Variants in NCKAP5 observed in about 807,000 individuals in gnomAD.
The protein encoded by NCKAP5 is NCK associated protein 5, also known as nck-associated protein 5.
A neutral mutation model predicts 167.0 loss-of-function variants in NCKAP5; 92 were observed. The ratio of observed to expected loss-of-function variants is 0.55; its 90% CI spans 0.47 to 0.66. NCKAP5 has a LOEUF of 0.66. Among genes scored for constraint, NCKAP5 ranks in the 30% least tolerant of loss-of-function variants. The pLI is 0.00. For missense variants in NCKAP5, 2,378 were observed against 2,315.0 expected, an observed-to-expected ratio of 1.03 and a Z score of -0.56; for synonymous variants, 891 against 877.4, an observed-to-expected ratio of 1.02 and a Z score of -0.27.
chr2:133,219,139 C>T (rs2086553502), intron 4 of NCKAP5, among the ~76,000 whole-genome samples: 1 of 152,182 alleles, frequency 6.6e-6, no homozygotes, highest in Admixed American at 6.5e-5. Context: ...TGACCTACCA[C>T]ATGAGTGGAG....
chr2:133,468,127 T>G (rs1692742542), intron 3 of NCKAP5, among the ~76,000 whole-genome samples: 2 of 135,854 alleles, frequency 1.5e-5, no homozygotes, highest in African/African-American at 2.9e-5. Flanking sequence ...GGATCTTTCC[T>G]GCTTTCTCTT....
chr2:133,331,432 C>T (rs1430166), intron 3 of NCKAP5, among the ~76,000 whole-genome samples: 37,751 of 152,084 alleles, frequency 0.25, 5,196 homozygotes, highest in African/African-American at 0.37. Context: ...CTTAATGGCA[C>T]CTGCAAAATG....
At chr2:133,598,511 T>C in the NCKAP5 span, among the ~76,000 whole-genome samples, 1 of 152,236 alleles carries the variant, frequency 6.6e-6, no homozygotes, top group African/African-American at 2.4e-5. Flanking sequence ...ACCTTAGCCC[T>C]GTGGCTTTTA....
intron 2 of NCKAP5, among the ~76,000 whole-genome samples, chr2:133,555,592 A>C (rs960808590): frequency 1.3e-5 from 2 of 152,242 alleles, no homozygotes; most frequent in Admixed American, 6.5e-5. Flanking sequence ...AGACCACAGT[A>C]ACTTCTCTTT....
At chr2:133,194,885 G>GA (rs1019614605) in intron 5 of NCKAP5, among the ~76,000 whole-genome samples, 93 of 150,954 alleles carry the variant, frequency 6.2e-4, no homozygotes, top group African/African-American at 2.0e-3. Flanking sequence ...AGGTATATAT[G>GA]AAAAAAATAT....
intron 3 of NCKAP5, among the ~76,000 whole-genome samples, chr2:133,501,932 A>G (rs1054330146): frequency 6.6e-6 from 1 of 152,366 alleles, no homozygotes; most frequent in Admixed American, 6.5e-5. Flanking sequence ...ATCATGTGAC[A>G]AGGACACTAA....
intron 13 of NCKAP5, among the ~76,000 whole-genome samples, chr2:132,787,173 C>T (rs1032627447): frequency 4.6e-5 from 7 of 152,014 alleles, no homozygotes; most frequent in Admixed American, 1.3e-4. Flanking sequence ...TATGGTAAAA[C>T]GCCATCTCTA....
At chr2:133,161,249 C>A (rs142532223) in intron 5 of NCKAP5, among the ~76,000 whole-genome samples, 3 of 152,032 alleles carry the variant, frequency 2.0e-5, no homozygotes, top group African/African-American at 7.2e-5. Context: ...AACTGGTCCC[C>A]GGTGCCAAAA....
At chr2:132,999,660 T>C (rs2077715948) in intron 6 of NCKAP5, among the ~76,000 whole-genome samples, 1 of 152,182 alleles carries the variant, frequency 6.6e-6, no homozygotes, top group African/African-American at 2.4e-5. Flanking sequence ...GAAAGCAGTG[T>C]TGGAAAATAT....
intron 2 of NCKAP5, among the ~76,000 whole-genome samples, chr2:133,523,740 T>C (rs1278343012): frequency 6.6e-6 from 1 of 152,138 alleles, no homozygotes; most frequent in Non-Finnish European, 1.5e-5. Context: ...TGTGTCAAAT[T>C]CATTGTTATA....
chr2:133,198,516 C>T (rs2085536473), intron 5 of NCKAP5, among the ~76,000 whole-genome samples: 1 of 152,048 alleles, frequency 6.6e-6, no homozygotes, highest in African/African-American at 2.4e-5. Flanking sequence ...AAACTACCAA[C>T]AAGCTTTTAG....
At chr2:133,153,337 TA>T (rs1223028051) in intron 5 of NCKAP5, among the ~76,000 whole-genome samples, 1 of 152,152 alleles carries the variant, frequency 6.6e-6, no homozygotes, top group Non-Finnish European at 1.5e-5. Context: ...AAATGTACCA[TA>T]TTAATGCAAG....
At chr2:133,095,950 C>T (rs1168681084) in intron 6 of NCKAP5, among the ~76,000 whole-genome samples, 4 of 152,068 alleles carry the variant, frequency 2.6e-5, no homozygotes, top group African/African-American at 9.7e-5. Context: ...GGACACATGG[C>T]CTCAGGGTGA....
At chr2:133,179,844 T>C (rs559943875) in intron 5 of NCKAP5, among the ~76,000 whole-genome samples, 1 of 151,948 alleles carries the variant, frequency 6.6e-6, no homozygotes, top group Admixed American at 6.5e-5. Flanking sequence ...GTCTCAGGAA[T>C]GTGTAGGAAT....
chr2:133,602,903 G>A, the NCKAP5 span, among the ~76,000 whole-genome samples: 1 of 152,202 alleles, frequency 6.6e-6, no homozygotes, highest in Non-Finnish European at 1.5e-5. Context: ...CAGTAGTGGG[G>A]AATAATGGGA....
intron 5 of NCKAP5, among the ~76,000 whole-genome samples, chr2:133,194,925 TA>T (rs2085374740): frequency 6.6e-6 from 1 of 151,532 alleles, no homozygotes; most frequent in South Asian, 2.1e-4. Context: ...AATTTAACAG[TA>T]GTTGAGCAAA....
the NCKAP5 span, among the ~76,000 whole-genome samples, chr2:133,585,008 GAGAAA>G: frequency 3.7e-4 from 52 of 139,590 alleles, 4 homozygotes; most frequent in Admixed American, 1.8e-3. Context: ...GAAAGAAAGA[GAGAAA>G]AGAAAAGAAA....
chr2:133,380,416 C>A (rs1686437770), intron 3 of NCKAP5, among the ~76,000 whole-genome samples: 2 of 151,872 alleles, frequency 1.3e-5, no homozygotes, highest in African/African-American at 4.8e-5. Flanking sequence ...TTTAGGAGCT[C>A]AATAAAACTT....
intron 6 of NCKAP5, among the ~76,000 whole-genome samples, chr2:133,008,935 CT>C (rs1342565828): frequency 6.6e-6 from 1 of 152,172 alleles, no homozygotes; most frequent in Non-Finnish European, 1.5e-5. Flanking sequence ...GAGATTCCTT[CT>C]CTTCTCCCCT....
Sources: allele counts gnomAD v4.1 joint callset (sites outside exome capture counted in the v4.1 genomes callset), GRCh38; gene constraint gnomAD v4.1.1; transcripts MANE v1.5; gene names NCBI Gene and HGNC (gene_info 2026-07-23, HGNC 2026-07-21).